Variants in KLF13 observed in about 807,000 individuals in gnomAD.
KLF13 encodes Krueppel-like factor 13.
Under a neutral mutation model 16.7 loss-of-function variants are expected in KLF13, and 8 were observed. The observed-to-expected ratio is 0.48, with a 90% CI of 0.28 to 0.87. The LOEUF (loss-of-function observed/expected upper bound fraction) is 0.87, where lower values mean the gene tolerates loss of function less well. Ranked by LOEUF, KLF13 falls within the 40% of genes least tolerant of loss-of-function variation. KLF13 has a pLI of 0.10. For synonymous variants in KLF13, 245 were observed against 208.4 expected (o/e 1.18, Z -1.51); for missense variants, 447 against 452.2 (o/e 0.99, Z 0.10).
At chr15:31,365,906 C>T (rs2039461524) in intron 1 of KLF13, among the ~76,000 whole-genome samples, 2 of 152,276 alleles carry the variant, frequency 1.3e-5, no homozygotes, top group South Asian at 4.1e-4. Context: ...GGCTGGCTCT[C>T]TGAGAGAACA....
chr15:31,389,510 T>C (rs930959488), upstream of KLF13, among the ~76,000 whole-genome samples: 1 of 152,210 alleles, frequency 6.6e-6, no homozygotes, highest in Non-Finnish European at 1.5e-5. Context: ...CTCCTCCCCC[T>C]GTGTTTACAT....
At chr15:31,432,098 C>A (rs1313715016) in intron 1 of KLF13, among the ~76,000 whole-genome samples, 21 of 152,070 alleles carry the variant, frequency 1.4e-4, no homozygotes, top group Non-Finnish European at 3.1e-4. Flanking sequence ...TTATATTTCA[C>A]AATAAGGAGG....
At chr15:31,414,924 T>A (rs2040237785) in intron 1 of KLF13, among the ~76,000 whole-genome samples, 1 of 152,150 alleles carries the variant, frequency 6.6e-6, no homozygotes, top group Admixed American at 6.6e-5. Context: ...TGATCCACAA[T>A]GTTGGAAGTA....
chr15:31,341,561 G>A (rs554530820), intron 1 of KLF13, among the ~76,000 whole-genome samples: 2 of 129,956 alleles, frequency 1.5e-5, no homozygotes, highest in East Asian at 4.7e-4. Flanking sequence ...TTTTGAGGCT[G>A]GGTCTCAGTC....
intron 1 of KLF13, chr15:31,340,056 G>A (rs1228565840): frequency 7.1e-6 from 5 of 702,244 alleles, no homozygotes; most frequent in Non-Finnish European, 1.3e-5. Context: ...GCCCTGGTGG[G>A]TGGTGTGTCC....
At chr15:31,415,947 A>G (rs921943081) in intron 1 of KLF13, among the ~76,000 whole-genome samples, 1 of 152,104 alleles carries the variant, frequency 6.6e-6, no homozygotes. Context: ...AGAAAAAAAA[A>G]GAGGGCTCAA....
At chr15:31,434,410 A>T (rs1378724725) in intron 1 of KLF13, among the ~76,000 whole-genome samples, 1 of 152,116 alleles carries the variant, frequency 6.6e-6, no homozygotes, top group Admixed American at 6.5e-5. Context: ...GACTGGGAAG[A>T]AGGGCCGGGA....
Position 31,431,625 on chromosome 15 carries a change from C to T in KLF13, n.118-3745C>T, listed in dbSNP as rs188190536. ...GACTACAGGCACCCGTCATCATGTCCGGCTAATTTTTTGTATTTTTAGTAG... is the reference window on the plus strand; with the variant it reads ...GACTACAGGCACCCGTCATCATGTCTGGCTAATTTTTTGTATTTTTAGTAG... On this transcript the variant is annotated intron_variant and non_coding_transcript_variant, in intron 1 of 1. Coordinates refer to the KLF13 transcript ENST00000558225. 4.0e-4 allele frequency among the ~76,000 whole-genome samples: 61 copies of T among 152,152 alleles called. No individual in the cohort carries two copies. The East Asian group carries it at 9.9e-3, about 25-fold the overall frequency.
At chr15:31,427,258 C>A (rs1180057251) in intron 1 of KLF13, among the ~76,000 whole-genome samples, 2 of 152,054 alleles carry the variant, frequency 1.3e-5, no homozygotes, top group African/African-American at 4.8e-5. Context: ...CATCACTAGT[C>A]ATCAGAAAAA....
upstream of KLF13, among the ~76,000 whole-genome samples, chr15:31,391,563 C>T (rs909873367): frequency 3.3e-5 from 5 of 152,128 alleles, no homozygotes; most frequent in African/African-American, 7.2e-5. Context: ...GGAGCCCCAT[C>T]TGGGGCCCCA....
chr15:31,420,488 A>G (rs891923229), intron 1 of KLF13: 38 of 701,604 alleles, frequency 5.4e-5, no homozygotes, highest in African/African-American at 1.1e-4. Flanking sequence ...CTGGAAAGAC[A>G]AGTCGTCTGT....
intron 1 of KLF13, among the ~76,000 whole-genome samples, chr15:31,328,126 C>T (rs2038754185): frequency 6.7e-6 from 1 of 149,996 alleles, no homozygotes; most frequent in Admixed American, 6.6e-5. Flanking sequence ...CGGGCAGGTG[C>T]GGGCGGCCTG....
intron 1 of KLF13, among the ~76,000 whole-genome samples, chr15:31,429,880 C>T (rs1482486072): frequency 1.3e-5 from 2 of 151,942 alleles, no homozygotes; most frequent in African/African-American, 2.4e-5. Flanking sequence ...ACTGCAGGCA[C>T]CCGCCACTAT....
intron 1 of KLF13, among the ~76,000 whole-genome samples, chr15:31,344,887 G>T (rs2039086986): frequency 6.6e-6 from 1 of 152,210 alleles, no homozygotes; most frequent in South Asian, 2.1e-4. Flanking sequence ...TGAGTGGGGA[G>T]GGAGGGGCCG....
intron 1 of KLF13, among the ~76,000 whole-genome samples, chr15:31,346,513 G>A (rs898146368): frequency 3.3e-5 from 5 of 152,140 alleles, no homozygotes; most frequent in East Asian, 1.9e-4. Context: ...GCTCCTCCCC[G>A]GGTTCTCTTC....
chr15:31,346,254 G>T (rs558526633), intron 1 of KLF13, among the ~76,000 whole-genome samples: 1 of 152,116 alleles, frequency 6.6e-6, no homozygotes, highest in Non-Finnish European at 1.5e-5. Flanking sequence ...CTTCTCCCCC[G>T]ACCTCCTGTC....
At chr15:31,344,994 G>A (rs1473939921) in intron 1 of KLF13, among the ~76,000 whole-genome samples, 1 of 152,220 alleles carries the variant, frequency 6.6e-6, no homozygotes, top group Non-Finnish European at 1.5e-5. Context: ...AGTGTGAGCT[G>A]TTGCAGTTTG....
downstream of KLF13, among the ~76,000 whole-genome samples, chr15:31,404,958 TCCAC>T (rs1052298690): frequency 2.0e-5 from 3 of 152,134 alleles, no homozygotes; most frequent in African/African-American, 7.2e-5. Flanking sequence ...AATCCCAGGC[TCCAC>T]CCTGCCTCAA....
intron 1 of KLF13, among the ~76,000 whole-genome samples, chr15:31,347,614 C>G (rs932345373): frequency 6.6e-5 from 10 of 152,308 alleles, no homozygotes; most frequent in Non-Finnish European, 8.8e-5. Flanking sequence ...CCAGCGGAGC[C>G]TCAGAGTAGG....
Sources: allele counts gnomAD v4.1 joint callset (sites outside exome capture counted in the v4.1 genomes callset), GRCh38; gene constraint gnomAD v4.1.1; transcripts MANE v1.5; gene names NCBI Gene and HGNC (gene_info 2026-07-23, HGNC 2026-07-21).